PARPBP: variants seen among roughly 807,000 people sequenced by gnomAD.
PARPBP encodes the protein PCNA-interacting partner.
Under a neutral mutation model 50.0 loss-of-function variants are expected in PARPBP, and 52 were observed. That is an observed-to-expected ratio of 1.04 (90% confidence interval 0.83 to 1.31). The LOEUF is 1.31. PARPBP is among the 50% of genes most tolerant of loss of function. The pLI, the probability that PARPBP is intolerant of heterozygous loss-of-function variation, is 0.00. For missense variants in PARPBP, 697 were observed against 672.0 expected (o/e 1.04, Z -0.41); for synonymous variants, 244 against 232.1 (o/e 1.05, Z -0.47).
intron 2 of PARPBP, among the ~76,000 whole-genome samples, chr12:102,137,175 G>A (rs887208097): frequency 2.6e-5 from 4 of 152,050 alleles, no homozygotes; most frequent in African/African-American, 9.7e-5. Flanking sequence ...GGATGGTCTC[G>A]ATCTCCTGAC....
intron 9 of PARPBP, among the ~76,000 whole-genome samples, chr12:102,188,385 C>T (rs1890502540): frequency 6.6e-6 from 1 of 151,742 alleles, no homozygotes. Context: ...CCAGAGGTGA[C>T]AGAGATCCCT....
chr12:102,165,701 TA>T, intron 5 of PARPBP, 27 bp from the exon 6 acceptor site: 1 of 1,561,394 alleles, frequency 6.4e-7, no homozygotes, highest in Non-Finnish European at 8.8e-7. Context: ...TCACTGGACA[TA>T]ACTTATCCGT....
chr12:102,150,115 G>A (rs1885990056), intron 3 of PARPBP: 1 of 388,158 alleles, frequency 2.6e-6, no homozygotes, highest in Non-Finnish European at 5.1e-6. Context: ...GTTTGAGGTT[G>A]TCTCTGTGGG....
intron 9 of PARPBP, among the ~76,000 whole-genome samples, chr12:102,189,711 T>G (rs1435518674): frequency 6.6e-6 from 1 of 152,058 alleles, no homozygotes; most frequent in East Asian, 1.9e-4. Context: ...AGAATGTGTG[T>G]AGGGTAGTTG....
chr12:102,148,559 G>A (rs1885747437), intron 3 of PARPBP, 96 bp downstream of exon 3: 1 of 537,780 alleles, frequency 1.9e-6, no homozygotes, highest in Middle Eastern at 5.0e-4. Context: ...ACTTGGTAAT[G>A]TTTTTGCTTT....
intron 1 of PARPBP, among the ~76,000 whole-genome samples, chr12:102,122,147 CAGTA>C (rs1363661279): frequency 6.6e-6 from 1 of 152,134 alleles, no homozygotes; most frequent in African/African-American, 2.4e-5. Context: ...TAAATAATAC[CAGTA>C]AGTAATTTAC....
rs1361198219 is a variant in PARPBP at position 102,138,931 on chromosome 12, A to G, written c.154-9299A>G. On this transcript the variant is annotated intron_variant, in intron 2 of 10. Transcript: ENST00000327680. The stretch of plus-strand genomic sequence containing the variant: ...TGAAGTCAGGAAGCGTGATGCCTCC[A>G]GCTTTGTTCTTCTTGCTTAGGATTG... Among the ~76,000 whole-genome samples, 8 of 152,204 alleles carry G rather than the reference A, an allele frequency of 5.3e-5. No individual in the cohort carries two copies. The South Asian group carries it at 6.2e-4, about 12-fold the overall frequency.
intron 2 of PARPBP, among the ~76,000 whole-genome samples, chr12:102,132,058 G>A (rs1408169170): frequency 4.6e-5 from 7 of 152,124 alleles, no homozygotes; most frequent in Non-Finnish European, 8.8e-5. Flanking sequence ...ACACAAATTA[G>A]CCAGGCCATG....
intron 6 of PARPBP, among the ~76,000 whole-genome samples, chr12:102,171,070 G>T (rs1382386703): frequency 6.6e-6 from 1 of 151,258 alleles, no homozygotes; most frequent in Admixed American, 6.6e-5. Context: ...TACCCCTGGA[G>T]GTGTCATCTC....
chr12:102,128,510 C>G (rs145520446), intron 2 of PARPBP, among the ~76,000 whole-genome samples: 3,497 of 152,296 alleles, frequency 0.023, 50 homozygotes, highest in Non-Finnish European at 0.034. Context: ...GGATTACAGG[C>G]ATGAGCCACC....
At chr12:102,191,804 A>C (rs1890816808) in intron 9 of PARPBP, among the ~76,000 whole-genome samples, 1 of 152,154 alleles carries the variant, frequency 6.6e-6, no homozygotes, top group Non-Finnish European at 1.5e-5. Context: ...GAATACTTTC[A>C]ATCCATTTCT....
At chr12:102,134,621 TCTC>T (rs1257714002) in intron 2 of PARPBP, among the ~76,000 whole-genome samples, 1 of 152,332 alleles carries the variant, frequency 6.6e-6, no homozygotes, top group Non-Finnish European at 1.5e-5. Flanking sequence ...AGGTAAGTAT[TCTC>T]CTCATAGACT....
chr12:102,197,243 T>G lies in PARPBP; in HGVS notation c.*952T>G. The stretch of plus-strand genomic sequence containing the variant: ...GGAACTATAATACAATTGTATAATA[T>G]TCTTGTTGATCAATTCAAAGTTACT... On this transcript the variant is annotated 3_prime_UTR_variant, in exon 11 of 11. Coordinates refer to ENST00000327680, the MANE Select transcript of PARPBP (RefSeq NM_017915.5). The G allele has an allele frequency of 8.4e-7, 1 of 1,193,752 alleles. No homozygotes were observed. The highest frequency in any genetic ancestry group is 1.2e-6 in the Non-Finnish European group (1 of 831,834). 73.9% of individuals were successfully genotyped at this position (1,193,752 alleles called of 1,614,324 possible).
intron 3 of PARPBP, among the ~76,000 whole-genome samples, chr12:102,152,476 T>G (rs1455000759): frequency 2.0e-5 from 3 of 152,200 alleles, no homozygotes; most frequent in East Asian, 3.8e-4. Context: ...AAATTTCGTG[T>G]ATTGATGTTC....
At chr12:102,152,587 ACT>A (rs2138967766) in intron 3 of PARPBP, among the ~76,000 whole-genome samples, 1 of 152,324 alleles carries the variant, frequency 6.6e-6, no homozygotes, top group East Asian at 1.9e-4. Flanking sequence ...CAAGTTGTTC[ACT>A]GTTTTCCTGT....
intron 9 of PARPBP, among the ~76,000 whole-genome samples, chr12:102,184,975 A>T (rs911560724): frequency 6.6e-6 from 1 of 152,216 alleles, no homozygotes; most frequent in Non-Finnish European, 1.5e-5. Context: ...TGAGCATTTC[A>T]AAGGTAGAAA....
intron 6 of PARPBP, among the ~76,000 whole-genome samples, chr12:102,172,111 T>G (rs1252733333): frequency 6.6e-6 from 1 of 152,228 alleles, no homozygotes; most frequent in African/African-American, 2.4e-5. Flanking sequence ...TGGTACAAGC[T>G]TGGGGATTCA....
chr12:102,123,232 T>C (rs1444406687), intron 1 of PARPBP, among the ~76,000 whole-genome samples: 1 of 152,236 alleles, frequency 6.6e-6, no homozygotes, highest in East Asian at 1.9e-4. Context: ...ATGAACAGTT[T>C]AGCACAGTGA....
At position 102,197,373 on chromosome 12, in the gene PARPBP, T is replaced by G. The variant is rs1340122020; in HGVS notation, c.*1082T>G. 2 of 821,368 alleles carry G rather than the reference T, an allele frequency of 2.4e-6. No individual in the cohort carries two copies. The highest frequency in any genetic ancestry group is 1.9e-6 in the Non-Finnish European group (1 of 528,218). The allele number at this position is 821,368 out of a possible 1,614,324, so 50.9% of individuals were successfully genotyped here. On this transcript the variant is annotated 3_prime_UTR_variant, in exon 11 of 11. Coordinates refer to ENST00000327680, the MANE Select transcript of PARPBP (RefSeq NM_017915.5). Reference sequence around the variant, plus strand: ...GCTGGGATGGAAGAACTACCTGGCATGTAAGAAATATCGTCAGTCGTCCTA... The same window carrying G: ...GCTGGGATGGAAGAACTACCTGGCAGGTAAGAAATATCGTCAGTCGTCCTA...
Sources: allele counts gnomAD v4.1 joint callset (sites outside exome capture counted in the v4.1 genomes callset), GRCh38; gene constraint gnomAD v4.1.1; transcripts MANE v1.5; gene names NCBI Gene and HGNC (gene_info 2026-07-23, HGNC 2026-07-21).